The following CNTNAP2 variants were observed in gnomAD, a reference collection of about 807,000 sequenced individuals.
The protein encoded by CNTNAP2 is contactin associated protein 2, also known as contactin-associated protein-like 2.
Under a neutral mutation model 155.2 loss-of-function variants are expected in CNTNAP2, and 98 were observed. The observed-to-expected ratio is 0.63, with a 90% CI of 0.54 to 0.75. The LOEUF (loss-of-function observed/expected upper bound fraction) is 0.75, where lower values mean the gene tolerates loss of function less well. CNTNAP2 is among the 30% of genes least tolerant of loss of function. The pLI is 0.00. For missense variants in CNTNAP2, 1,727 were observed against 1,688.1 expected (o/e 1.02, Z -0.40); for synonymous variants, 651 against 631.2 (o/e 1.03, Z -0.47).
At chr7:146,824,754 A>G (rs1376273639) in intron 2 of CNTNAP2, among the ~76,000 whole-genome samples, 2 of 151,954 alleles carry the variant, frequency 1.3e-5, no homozygotes, top group African/African-American at 2.4e-5. Flanking sequence ...ATGCAATTCT[A>G]TTTTGGGGAA....
At chr7:146,380,032 C>T (rs538313874) in intron 1 of CNTNAP2, among the ~76,000 whole-genome samples, 1 of 152,246 alleles carries the variant, frequency 6.6e-6, no homozygotes, top group Admixed American at 6.5e-5. Context: ...AGTGTATTCT[C>T]TTTCCTTTTC....
chr7:148,356,979 G>T (rs138546632), intron 21 of CNTNAP2, among the ~76,000 whole-genome samples: 2 of 151,742 alleles, frequency 1.3e-5, no homozygotes, highest in African/African-American at 4.8e-5. Context: ...GATTTGAAGC[G>T]TGAGGCCCTG....
intron 3 of CNTNAP2, among the ~76,000 whole-genome samples, chr7:146,860,098 A>T (rs930969372): frequency 6.6e-6 from 1 of 152,260 alleles, no homozygotes; most frequent in Non-Finnish European, 1.5e-5. Flanking sequence ...TAAGACTTTT[A>T]TTTAACAAAT....
At chr7:147,744,562 G>A (rs1166304372) in intron 13 of CNTNAP2, among the ~76,000 whole-genome samples, 1 of 152,180 alleles carries the variant, frequency 6.6e-6, no homozygotes, top group Admixed American at 6.5e-5. Context: ...ATCTGTATGA[G>A]TTTGCAAGGG....
At chr7:147,345,528 T>G (rs1221330004) in intron 9 of CNTNAP2, among the ~76,000 whole-genome samples, 1 of 152,334 alleles carries the variant, frequency 6.6e-6, no homozygotes, top group East Asian at 1.9e-4. Flanking sequence ...GAATGTTAAG[T>G]TTATGTATTC....
chr7:148,135,723 C>A (rs936612755), intron 16 of CNTNAP2, among the ~76,000 whole-genome samples: 2 of 143,626 alleles, frequency 1.4e-5, no homozygotes, highest in Non-Finnish European at 3.2e-5. Context: ...GTGGCAGGTG[C>A]GTGTAATCCC....
chr7:146,677,216 A>T (rs545833106), intron 1 of CNTNAP2, among the ~76,000 whole-genome samples: 10 of 152,244 alleles, frequency 6.6e-5, no homozygotes, highest in African/African-American at 2.4e-4. Flanking sequence ...TCCAAACTGG[A>T]AGTGGGGTTC....
At chr7:147,958,175 T>G (rs898451347) in intron 14 of CNTNAP2, among the ~76,000 whole-genome samples, 3 of 137,392 alleles carry the variant, frequency 2.2e-5, no homozygotes, top group Admixed American at 1.6e-4. Context: ...ACGAGTAATT[T>G]GAATTAAATT....
intron 9 of CNTNAP2, among the ~76,000 whole-genome samples, chr7:147,342,335 T>G (rs377747103): frequency 2.3e-5 from 3 of 129,438 alleles, no homozygotes; most frequent in African/African-American, 8.2e-5. Flanking sequence ...TTTTCTTTGA[T>G]CAAAGAAAAA....
intron 3 of CNTNAP2, among the ~76,000 whole-genome samples, chr7:146,874,134 A>T (rs1415325509): frequency 1.3e-5 from 2 of 152,012 alleles, no homozygotes; most frequent in Non-Finnish European, 2.9e-5. Context: ...AGGAAATATC[A>T]AGTCTGACGT....
chr7:146,901,059 GTTTC>G (rs1031740589), intron 3 of CNTNAP2, among the ~76,000 whole-genome samples: 13 of 147,264 alleles, frequency 8.8e-5, no homozygotes, highest in African/African-American at 2.6e-4. Flanking sequence ...TAATAATAAT[GTTTC>G]TTTATCTCTG....
chr7:148,315,981 C>G (rs146104835), intron 21 of CNTNAP2, among the ~76,000 whole-genome samples: 5 of 152,160 alleles, frequency 3.3e-5, no homozygotes, highest in African/African-American at 1.2e-4. Flanking sequence ...TGAGATCCTA[C>G]TTTTTGCCGG....
chr7:146,829,956 C>T (rs1029291927), intron 2 of CNTNAP2, among the ~76,000 whole-genome samples: 80 of 151,848 alleles, frequency 5.3e-4, no homozygotes, highest in African/African-American at 1.9e-3. Flanking sequence ...GTCTTTTACC[C>T]ATTTTTTATT....
intron 3 of CNTNAP2, among the ~76,000 whole-genome samples, chr7:146,974,782 T>A (rs1459823490): frequency 6.6e-6 from 1 of 152,072 alleles, no homozygotes; most frequent in African/African-American, 2.4e-5. Context: ...GTGGATAACT[T>A]GAACTCAGTG....
At chr7:147,305,302 T>G (rs1387540123) in intron 9 of CNTNAP2, among the ~76,000 whole-genome samples, 1 of 152,198 alleles carries the variant, frequency 6.6e-6, no homozygotes, top group Non-Finnish European at 1.5e-5. Flanking sequence ...CAAGTAGTTA[T>G]GTTTTAAAAT....
rs114888328 is a variant in CNTNAP2 at position 146,855,883 on chromosome 7, C to G, written c.402+15979C>G. On this transcript the variant is annotated intron_variant, in intron 3 of 23. Coordinates refer to ENST00000361727, the MANE Select transcript of CNTNAP2 (RefSeq NM_014141.6). Reference sequence around the variant, plus strand: ...CTTACATACTACATGCTAAGTAGCTCTGACAGCTGGATGGATCTAGAAACA... The same window carrying G: ...CTTACATACTACATGCTAAGTAGCTGTGACAGCTGGATGGATCTAGAAACA... 5.2e-3 allele frequency among the ~76,000 whole-genome samples: 749 copies of G among 145,198 alleles called. 9 individuals carry two copies. Among genetic ancestry groups the G allele is most frequent in the African/African-American group, 0.018 (717 of 39,454 alleles).
intron 5 of CNTNAP2, among the ~76,000 whole-genome samples, chr7:147,116,041 G>A (rs985433092): frequency 2.0e-5 from 3 of 152,004 alleles, no homozygotes; most frequent in Admixed American, 6.6e-5. Flanking sequence ...TCTTTTAATA[G>A]CCCTGTAGAA....
chr7:147,344,710 T>C (rs997044868), intron 9 of CNTNAP2, among the ~76,000 whole-genome samples: 1 of 152,198 alleles, frequency 6.6e-6, no homozygotes, highest in African/African-American at 2.4e-5. Flanking sequence ...TTCTCCTACT[T>C]GTCTTAGTTC....
chr7:147,844,992 T>A, intron 13 of CNTNAP2, among the ~76,000 whole-genome samples: 1 of 139,342 alleles, frequency 7.2e-6, no homozygotes, highest in Non-Finnish European at 1.6e-5. Flanking sequence ...CTGGATTCGG[T>A]TTGCCAGTAT....
Sources: allele counts gnomAD v4.1 joint callset (sites outside exome capture counted in the v4.1 genomes callset), GRCh38; gene constraint gnomAD v4.1.1; transcripts MANE v1.5; gene names NCBI Gene and HGNC (gene_info 2026-07-23, HGNC 2026-07-21).